NHS: variants seen among roughly 807,000 people sequenced by gnomAD.
The protein encoded by NHS is NHS actin remodeling regulator, also known as actin remodeling regulator NHS.
A neutral mutation model predicts 72.5 loss-of-function variants in NHS; 5 were observed. The ratio of observed to expected loss-of-function variants is 0.07; its 90% confidence interval spans 0.04 to 0.14. The LOEUF (loss-of-function observed/expected upper bound fraction) is 0.14, where lower values mean the gene tolerates loss of function less well. Among genes scored for constraint, NHS ranks in the 10% least tolerant of loss-of-function variants. The probability of loss-of-function intolerance (pLI) is 1.00; values close to 1 mark genes in which losing one functional copy is unlikely to be tolerated. For missense variants in NHS, 1,072 were observed against 1,355.7 expected, an observed-to-expected ratio of 0.79 and a Z score of 3.29; for synonymous variants, 464 against 547.7, an observed-to-expected ratio of 0.85 and a Z score of 2.13.
intron 1 of NHS, among the ~76,000 whole-genome samples, chrX:17,489,778 C>T (rs1192522121): frequency 3.6e-5 from 4 of 112,283 alleles, no homozygotes; most frequent in African/African-American, 9.7e-5. Context: ...TGAGCCACAG[C>T]GCCCGGCTCT....
chrX:17,605,522 T>A (rs1293841859), intron 1 of NHS, among the ~76,000 whole-genome samples: 1 of 111,461 alleles, frequency 9.0e-6, no homozygotes, highest in Non-Finnish European at 1.9e-5. Context: ...GTGGTGCCAA[T>A]CTTGATGCTC....
chrX:17,582,088 C>T (rs369391020), intron 1 of NHS, among the ~76,000 whole-genome samples: 53 of 111,585 alleles, frequency 4.7e-4, no homozygotes, highest in Admixed American at 2.2e-3. Context: ...GTTGGGTTTT[C>T]GGGAGCTGTT....
At chrX:17,534,292 TGAA>T (rs2065212980) in intron 1 of NHS, among the ~76,000 whole-genome samples, 2 of 112,098 alleles carry the variant, frequency 1.8e-5, no homozygotes, top group Non-Finnish European at 3.8e-5. Flanking sequence ...GAATGCCTCC[TGAA>T]GAAGAAGGTC....
intron 1 of NHS, among the ~76,000 whole-genome samples, chrX:17,544,621 CCCT>C (rs1569277827): frequency 1.8e-5 from 2 of 111,684 alleles, no homozygotes; most frequent in African/African-American, 6.5e-5. Context: ...AAGCGAATCT[CCCT>C]GCCTCAGCCT....
chrX:17,536,659 C>G (rs921529195), intron 1 of NHS, among the ~76,000 whole-genome samples: 2 of 112,273 alleles, frequency 1.8e-5, no homozygotes, highest in Non-Finnish European at 1.9e-5. Context: ...TTAGAGGAAC[C>G]CAATAAATTG....
chrX:17,564,584 A>G (rs2065432259), intron 1 of NHS, among the ~76,000 whole-genome samples: 1 of 112,495 alleles, frequency 8.9e-6, no homozygotes, highest in African/African-American at 3.2e-5. Flanking sequence ...ACAATTGGCA[A>G]TGTTCAAATG....
chrX:17,644,674 C>T (rs1407137354), intron 1 of NHS, among the ~76,000 whole-genome samples: 2 of 111,426 alleles, frequency 1.8e-5, no homozygotes, highest in Non-Finnish European at 3.8e-5. Flanking sequence ...TGGCTCCAAA[C>T]AGTCTTTTAT....
chrX:17,570,730 G>T (rs1346294386), intron 1 of NHS, among the ~76,000 whole-genome samples: 1 of 111,629 alleles, frequency 9.0e-6, no homozygotes, highest in East Asian at 2.8e-4. Context: ...GTGAGAGAGG[G>T]CATCCTTGTC....
intron 1 of NHS, among the ~76,000 whole-genome samples, chrX:17,518,614 G>C (rs1303890511): frequency 8.9e-6 from 1 of 112,012 alleles, no homozygotes; most frequent in African/African-American, 3.2e-5. Flanking sequence ...GCTGAAAGAT[G>C]CTTGTTTGCT....
At chrX:17,634,356 A>G (rs2065834419) in intron 1 of NHS, among the ~76,000 whole-genome samples, 1 of 112,346 alleles carries the variant, frequency 8.9e-6, no homozygotes, top group Admixed American at 9.4e-5. Context: ...GCAGATGAGA[A>G]AAAAGCAAGT....
intron 1 of NHS, among the ~76,000 whole-genome samples, chrX:17,465,068 G>A (rs1985877212): frequency 8.9e-6 from 1 of 112,053 alleles, no homozygotes; most frequent in Non-Finnish European, 1.9e-5. Context: ...CAGCTTATGA[G>A]AGCCATTACC....
intron 1 of NHS, among the ~76,000 whole-genome samples, chrX:17,567,797 C>A (rs976080006): frequency 9.3e-6 from 1 of 107,640 alleles, no homozygotes; most frequent in Non-Finnish European, 1.9e-5. Flanking sequence ...GAAAAAATAT[C>A]TAGACAGAGG....
intron 1 of NHS, among the ~76,000 whole-genome samples, chrX:17,679,897 GT>G (rs1349098444): frequency 9.1e-6 from 1 of 110,411 alleles, no homozygotes; most frequent in Non-Finnish European, 1.9e-5. Flanking sequence ...TGTAGCAAAG[GT>G]TTTCCATCAA....
At chrX:17,597,903 G>A (rs904021474) in intron 1 of NHS, among the ~76,000 whole-genome samples, 1 of 111,411 alleles carries the variant, frequency 9.0e-6, no homozygotes, top group Non-Finnish European at 1.9e-5. Context: ...AAGCGAGAGA[G>A]GGTGCCCAGA....
chrX:17,669,043 T>C (rs759171276), intron 1 of NHS, among the ~76,000 whole-genome samples: 4 of 112,225 alleles, frequency 3.6e-5, no homozygotes, highest in African/African-American at 9.7e-5. Context: ...TGAAGGCACA[T>C]TGGCAAGGCA....
chrX:17,712,286 T>C (rs867912000), intron 3 of NHS, among the ~76,000 whole-genome samples: 17 of 78,400 alleles, frequency 2.2e-4, no homozygotes, highest in East Asian at 4.1e-4. Flanking sequence ...TATATATATA[T>C]ATATACACAC....
At chrX:17,435,519 C>A (rs1318937524) in intron 1 of NHS, among the ~76,000 whole-genome samples, 1 of 112,241 alleles carries the variant, frequency 8.9e-6, no homozygotes, top group African/African-American at 3.2e-5. Context: ...GAGGTTCTGC[C>A]TGCGGGCTCT....
At chrX:17,449,626 A>G (rs369678397) in intron 1 of NHS, among the ~76,000 whole-genome samples, 5 of 112,067 alleles carry the variant, frequency 4.5e-5, no homozygotes, top group African/African-American at 1.6e-4. Flanking sequence ...GGAGGCATTT[A>G]AATTGACTTG....
chrX:17,695,920 G>T (rs1383374064), intron 3 of NHS, among the ~76,000 whole-genome samples: 5 of 83,003 alleles, frequency 6.0e-5, no homozygotes, highest in African/African-American at 2.5e-4. Flanking sequence ...TCAGGGAAAA[G>T]CTTCCTTAAA....
Sources: gnomAD v4.1 joint callset for allele counts (sites outside exome capture counted in the v4.1 genomes callset) on GRCh38, gnomAD v4.1.1 for gene constraint, MANE v1.5 for transcripts, NCBI Gene and HGNC (gene_info 2026-07-23, HGNC 2026-07-21) for gene names.